PLCB1: variants seen among roughly 807,000 people sequenced by gnomAD.
The protein encoded by PLCB1 is phospholipase C beta 1.
In PLCB1, 46 loss-of-function variants were observed where a neutral mutation model predicts 161.8. That is an observed-to-expected ratio of 0.28 (90% confidence interval 0.22 to 0.36). The LOEUF (loss-of-function observed/expected upper bound fraction) is 0.36, where lower values mean the gene tolerates loss of function less well. PLCB1 is among the 10% of genes least tolerant of loss of function. The probability of loss-of-function intolerance (pLI) is 1.00; values close to 1 mark genes in which losing one functional copy is unlikely to be tolerated. For missense variants in PLCB1, 1,016 were observed against 1,472.5 expected (o/e 0.69, Z 5.07); for synonymous variants, 517 against 503.7 (o/e 1.03, Z -0.35).
At chr20:8,535,502 A>G (rs955398217) in intron 3 of PLCB1, among the ~76,000 whole-genome samples, 15 of 152,152 alleles carry the variant, frequency 9.9e-5, no homozygotes, top group Admixed American at 9.8e-4. Context: ...ATGCATGAAA[A>G]TGTTTCAATT....
intron 2 of PLCB1, among the ~76,000 whole-genome samples, chr20:8,346,125 G>A (rs1002297778): frequency 6.6e-6 from 1 of 152,150 alleles, no homozygotes; most frequent in African/African-American, 2.4e-5. Flanking sequence ...GAATATAATT[G>A]CCAGACAAGG....
intron 11 of PLCB1, 86 bp from the exon 12 acceptor site, chr20:8,708,584 A>G: frequency 5.0e-6 from 4 of 803,544 alleles, no homozygotes; most frequent in Non-Finnish European, 8.4e-6. Context: ...TGGAAAAGAC[A>G]ACTATATTAA....
chr20:8,258,062 C>T (rs1234053034), intron 2 of PLCB1, among the ~76,000 whole-genome samples: 1 of 152,074 alleles, frequency 6.6e-6, no homozygotes, highest in Non-Finnish European at 1.5e-5. Flanking sequence ...TAGATTTACT[C>T]AAGTTTACAC....
At chr20:8,462,433 A>G (rs1352629585) in intron 3 of PLCB1, among the ~76,000 whole-genome samples, 7 of 152,198 alleles carry the variant, frequency 4.6e-5, no homozygotes. Context: ...AAATCAAGGC[A>G]TTTCTGAAAG....
intron 3 of PLCB1, among the ~76,000 whole-genome samples, chr20:8,556,563 G>A (rs2123008782): frequency 6.6e-6 from 1 of 152,024 alleles, no homozygotes; most frequent in African/African-American, 2.4e-5. Flanking sequence ...AAGACACTAA[G>A]CTTTCACCTT....
chr20:8,418,392 G>A lies in PLCB1; in HGVS notation c.246+46942G>A, dbSNP rs115317838. Among the ~76,000 whole-genome samples the A allele has an allele frequency of 8.4e-3, 1,280 of 152,192 alleles. 23 individuals carry two copies. Among genetic ancestry groups the A allele is most frequent in the African/African-American group, 0.029 (1,195 of 41,506 alleles). On this transcript the variant is annotated intron_variant, in intron 3 of 31. Coordinates refer to ENST00000338037, the MANE Select transcript of PLCB1 (RefSeq NM_015192.4). Reference sequence around the variant, plus strand: ...CCACCTCCACCATCACTCACTGGGCGATGTGTTCTGTGCTTGAATATCTTC... The same window carrying A: ...CCACCTCCACCATCACTCACTGGGCAATGTGTTCTGTGCTTGAATATCTTC...
At chr20:8,340,299 T>G (rs1385537891) in intron 2 of PLCB1, among the ~76,000 whole-genome samples, 1 of 152,250 alleles carries the variant, frequency 6.6e-6, no homozygotes, top group Non-Finnish European at 1.5e-5. Context: ...GCTGGGGCTC[T>G]TTGGATTTCC....
chr20:8,629,963 C>CTTTCT (rs1330490515), intron 4 of PLCB1, among the ~76,000 whole-genome samples: 1 of 111,070 alleles, frequency 9.0e-6, no homozygotes, highest in African/African-American at 4.0e-5. Context: ...TTCTTTCTTT[C>CTTTCT]TTCTTTCTTT....
intron 2 of PLCB1, among the ~76,000 whole-genome samples, chr20:8,196,490 G>A (rs942843679): frequency 6.6e-6 from 1 of 151,708 alleles, no homozygotes; most frequent in African/African-American, 2.4e-5. Context: ...GAAAATAAAA[G>A]CTCAACATCT....
intron 31 of PLCB1, among the ~76,000 whole-genome samples, chr20:8,821,572 T>C (rs1985422619): frequency 7.4e-6 from 1 of 135,064 alleles, no homozygotes; most frequent in African/African-American, 2.7e-5. Flanking sequence ...AATGACACTT[T>C]TAAAAATGGA....
At chr20:8,683,942 G>A (rs1419357335) in intron 9 of PLCB1, among the ~76,000 whole-genome samples, 11 of 151,212 alleles carry the variant, frequency 7.3e-5, no homozygotes, top group African/African-American at 2.7e-4. Context: ...GGAGTGTAGT[G>A]GTGCGATCTC....
chr20:8,586,191 A>G (rs1986983873), intron 3 of PLCB1, among the ~76,000 whole-genome samples: 1 of 152,230 alleles, frequency 6.6e-6, no homozygotes, highest in African/African-American at 2.4e-5. Context: ...TTGATATGGC[A>G]AAAGATGAGT....
chr20:8,507,812 A>G (rs1343618009), intron 3 of PLCB1, among the ~76,000 whole-genome samples: 1 of 152,238 alleles, frequency 6.6e-6, no homozygotes, highest in Non-Finnish European at 1.5e-5. Context: ...TTTTAACAAG[A>G]TAAATATAAT....
chr20:8,650,115 A>C (rs1989272956), intron 7 of PLCB1: 2 of 152,188 alleles, frequency 1.3e-5, no homozygotes, highest in African/African-American at 4.8e-5. Flanking sequence ...TAACATTATC[A>C]AGATGACAAT....
intron 10 of PLCB1, among the ~76,000 whole-genome samples, chr20:8,693,560 T>C (rs1463500944): frequency 6.6e-6 from 1 of 152,214 alleles, no homozygotes; most frequent in East Asian, 1.9e-4. Flanking sequence ...CATCTCCATC[T>C]GTTGAAGGGG....
chr20:8,649,473 G>C, intron 7 of PLCB1, 24 bp downstream of exon 7: 1 of 1,538,158 alleles, frequency 6.5e-7, no homozygotes, highest in Non-Finnish European at 9.0e-7. Flanking sequence ...TTATGCTATA[G>C]TTTGAATGTT....
chr20:8,178,414 T>G (rs1419835003), intron 2 of PLCB1, among the ~76,000 whole-genome samples: 2 of 152,226 alleles, frequency 1.3e-5, no homozygotes, highest in African/African-American at 4.8e-5. Context: ...CATCATTTTT[T>G]CATGTGCTTG....
intron 31 of PLCB1, among the ~76,000 whole-genome samples, chr20:8,869,007 C>T (rs1987522699): frequency 1.3e-5 from 2 of 152,164 alleles, no homozygotes; most frequent in African/African-American, 4.8e-5. Flanking sequence ...AGTCTCCTCA[C>T]TTCATGATTG....
At position 8,882,868 on chromosome 20, in the gene PLCB1, CACTT is replaced by C. The variant is rs1988045419; in HGVS notation, c.*1021_*1024del. Reference sequence around the variant, plus strand: ...TATTATCTCCATGTATATATGTACCCACTTAGTCATGTAAGTGCATATACACATA... The same window carrying C: ...TATTATCTCCATGTATATATGTACCCAGTCATGTAAGTGCATATACACATA... On this transcript the variant is annotated 3_prime_UTR_variant, in exon 32 of 32. Coordinates refer to ENST00000338037, the MANE Select transcript of PLCB1 (RefSeq NM_015192.4). 1 of 152,534 alleles carries C rather than the reference CACTT, an allele frequency of 6.6e-6. No individual in the cohort carries two copies. Among genetic ancestry groups the C allele is most frequent in the Admixed American group, 6.5e-5 (1 of 15,278 alleles). The allele number at this position is 152,534 out of a possible 1,614,324, so 9.4% of individuals were successfully genotyped here.
Sources: gnomAD v4.1 joint callset for allele counts (sites outside exome capture counted in the v4.1 genomes callset) on GRCh38, gnomAD v4.1.1 for gene constraint, MANE v1.5 for transcripts, NCBI Gene and HGNC (gene_info 2026-07-23, HGNC 2026-07-21) for gene names.